Variants in ARHGAP21 observed in about 807,000 individuals in gnomAD.
ARHGAP21 encodes rho GTPase-activating protein 21.
ARHGAP21 carries 38 observed loss-of-function variants against 164.6 expected under a neutral mutation model. That is an observed-to-expected ratio of 0.23 (90% CI 0.18 to 0.30). The LOEUF is 0.30. ARHGAP21 is among the 10% of genes least tolerant of loss of function. The pLI, the probability that ARHGAP21 is intolerant of heterozygous loss-of-function variation, is 1.00. For synonymous variants in ARHGAP21, 766 were observed against 857.9 expected, an observed-to-expected ratio of 0.89 and a Z score of 1.87; for missense variants, 1,822 against 2,370.7, an observed-to-expected ratio of 0.77 and a Z score of 4.81.
At position 24,693,810 on chromosome 10, in the gene ARHGAP21, T is replaced by C. The variant is rs1593311177; in HGVS notation, c.64-23413A>G. Among the ~76,000 whole-genome samples the C allele has an allele frequency of 2.0e-5, 3 of 152,210 alleles. No homozygotes were observed. The South Asian group carries it at 6.2e-4, about 32-fold the overall frequency. On this transcript the variant is annotated intron_variant, in intron 2 of 25. Transcript: ENST00000396432. ...GGGTTTTACTACCATAAACCAGGTATATAAAGAAACTGTATTGAGTAGAAA... is the reference window on the plus strand; with the variant it reads ...GGGTTTTACTACCATAAACCAGGTACATAAAGAAACTGTATTGAGTAGAAA...
At chr10:24,586,852 A>T (rs766798122) in intron 25 of ARHGAP21, among the ~76,000 whole-genome samples, 11 of 152,184 alleles carry the variant, frequency 7.2e-5, no homozygotes, top group Non-Finnish European at 1.5e-4. Flanking sequence ...GTTCGAGATC[A>T]GCCTAGGGAA....
rs1334524562 is a variant in ARHGAP21 at position 24,701,182 on chromosome 10, T to TA, written c.63+20654dup. ...GCTTCAGGGAGAAAGCAGTAAAAAT[T>TA]AAAAAAAAAAATGCTCTATGCAGCC... On this transcript the variant is annotated intron_variant, in intron 2 of 25. Transcript: ENST00000396432. Among the ~76,000 whole-genome samples, 527 of 146,536 alleles carry TA rather than the reference T, an allele frequency of 3.6e-3. 5 individuals carry two copies. The highest frequency in any genetic ancestry group is 0.011 in the African/African-American group (431 of 40,148).
chr10:24,591,722 C>A, intron 22 of ARHGAP21, 39 bp from the exon 23 acceptor site: 1 of 1,609,858 alleles, frequency 6.2e-7, no homozygotes, highest in Non-Finnish European at 8.5e-7. Flanking sequence ...ATTAAACAAG[C>A]CTTTAAATAT....
rs780121438 is a variant in ARHGAP21, at chr10:24,584,448, G to T, written c.5841C>A (p.Thr1947=). 6.2e-7 allele frequency: 1 copy of T among 1,613,040 alleles called. No individual in the cohort carries two copies. Among genetic ancestry groups the T allele is most frequent in the South Asian group, 1.1e-5 (1 of 90,928 alleles). ...GATGAAACTCTGCTTTACTGCCTGG[G>T]GTTTCAGACAGTTTATGAGGTTGGG... ...ANAQPHKLSE[T]PGSKAEFHPC... is the part of the protein sequence containing the mutation. The change falls in exon 26 of 26, where the codon ACC becomes ACA. Residue 1947 remains threonine (T), a synonymous_variant. Transcript: ENST00000396432.
intron 2 of ARHGAP21, among the ~76,000 whole-genome samples, chr10:24,682,758 T>C (rs1437625392): frequency 6.6e-6 from 1 of 152,090 alleles, no homozygotes; most frequent in African/African-American, 2.4e-5. Flanking sequence ...TATCTAGACG[T>C]ATCTAGATGT....
At chr10:24,595,686 CA>C in intron 19 of ARHGAP21, 30 bp downstream of exon 19, 2 of 1,579,606 alleles carry the variant, frequency 1.3e-6, no homozygotes, top group Non-Finnish European at 1.7e-6. Context: ...TGAACCATTT[CA>C]TCTGGTATCT....
At chr10:24,608,271 G>A (rs1326462141) in intron 9 of ARHGAP21, among the ~76,000 whole-genome samples, 1 of 152,074 alleles carries the variant, frequency 6.6e-6, no homozygotes, top group Non-Finnish European at 1.5e-5. Context: ...ATGTACCACA[G>A]ATTATCACTT....
intron 2 of ARHGAP21, among the ~76,000 whole-genome samples, chr10:24,675,745 T>C (rs188480546): frequency 6.6e-6 from 1 of 152,284 alleles, no homozygotes; most frequent in Admixed American, 6.5e-5. Flanking sequence ...ATGTATAAGT[T>C]AAAATCTGTG....
rs1469932829 is a variant in ARHGAP21, at chr10:24,656,502, G to A, written c.268+10483C>T. The stretch of plus-strand genomic sequence containing the variant: ...GCCCCTCTGCCCGGCCAGCCGCCCC[G>A]TCCGGGAGGGAGGTTGGGGGGTCAG... On this transcript the variant is annotated intron_variant, in intron 4 of 25. Transcript: ENST00000396432. 2.2e-3 allele frequency among the ~76,000 whole-genome samples: 159 copies of A among 73,062 alleles called. 2 individuals carry two copies. The highest frequency in any genetic ancestry group is 8.5e-3 in the African/African-American group (135 of 15,860). 47.9% of individuals were successfully genotyped at this position (73,062 alleles called of 152,430 possible).
chr10:24,671,358 C>A (rs1187197398), intron 2 of ARHGAP21, among the ~76,000 whole-genome samples: 2 of 152,178 alleles, frequency 1.3e-5, no homozygotes, highest in African/African-American at 4.8e-5. Flanking sequence ...ACATTTCTCT[C>A]TGGTCATTCA....
chr10:24,658,379 C>G (rs1197765272), intron 4 of ARHGAP21, among the ~76,000 whole-genome samples: 1 of 152,128 alleles, frequency 6.6e-6, no homozygotes, highest in South Asian at 2.1e-4. Flanking sequence ...TGCACACACA[C>G]ATATGTTTAT....
intron 2 of ARHGAP21, among the ~76,000 whole-genome samples, chr10:24,716,129 T>C (rs560522626): frequency 1.3e-5 from 2 of 152,372 alleles, no homozygotes; most frequent in Non-Finnish European, 2.9e-5. Flanking sequence ...CAACCTATTA[T>C]GTGCTAGGCA....
At position 24,620,128 on chromosome 10, in the gene ARHGAP21, A is replaced by G. The variant is rs1208173262; in HGVS notation, c.1767T>C (p.Asp589=). The change falls in exon 9 of 26, where the codon GAT becomes GAC. Residue 589 remains aspartate, a synonymous_variant. Coordinates refer to ENST00000396432, the MANE Select transcript of ARHGAP21 (RefSeq NM_020824.4). Reference sequence around the variant, plus strand: ...TTCTGTTTGACTGCAATGTTTTTAGATCTGGTGGAATTTTTTTAAACTGCG... The same window carrying G: ...TTCTGTTTGACTGCAATGTTTTTAGGTCTGGTGGAATTTTTTTAAACTGCG... ...SVSQFKKIPP[D]LKTLQSNRNF... 1 of 1,613,936 alleles carries G rather than the reference A, an allele frequency of 6.2e-7. No individual in the cohort carries two copies. The highest frequency in any genetic ancestry group is 8.5e-7 in the Non-Finnish European group (1 of 1,179,852).
intron 14 of ARHGAP21, among the ~76,000 whole-genome samples, chr10:24,598,372 G>A (rs546426327): frequency 8.8e-4 from 134 of 152,156 alleles, no homozygotes; most frequent in Non-Finnish European, 1.5e-3. Context: ...AGAAATATAC[G>A]TGTAAGTGAT....
chr10:24,658,392 C>A (rs141190898), intron 4 of ARHGAP21, among the ~76,000 whole-genome samples: 1 of 152,108 alleles, frequency 6.6e-6, no homozygotes, highest in Non-Finnish European at 1.5e-5. Flanking sequence ...ATGTTTATTG[C>A]GGCACTATTC....
intron 11 of ARHGAP21, among the ~76,000 whole-genome samples, chr10:24,605,312 G>T (rs570854193): frequency 6.6e-6 from 1 of 152,194 alleles, no homozygotes; most frequent in Non-Finnish European, 1.5e-5. Context: ...GCTGAAGCTG[G>T]TGACAGGAGC....
chr10:24,597,733 C>T, intron 15 of ARHGAP21, 150 bp from the exon 16 acceptor site: 1 of 1,278,658 alleles, frequency 7.8e-7, no homozygotes, highest in Non-Finnish European at 1.1e-6. Flanking sequence ...TAGTCCTGCC[C>T]AGAATAAGAA....
chr10:24,591,863 T>C, intron 22 of ARHGAP21, 24 bp downstream of exon 22: 1 of 1,599,206 alleles, frequency 6.3e-7, no homozygotes, highest in Admixed American at 1.7e-5. Flanking sequence ...AGCATGAACT[T>C]ACAGAGATGA....
chr10:24,610,571 A>T (rs1202893538), intron 9 of ARHGAP21, among the ~76,000 whole-genome samples: 1 of 152,154 alleles, frequency 6.6e-6, no homozygotes, highest in Non-Finnish European at 1.5e-5. Context: ...TCCAAAAGTA[A>T]ATAATCCTCA....
Sources: gnomAD v4.1 joint callset for allele counts (sites outside exome capture counted in the v4.1 genomes callset) on GRCh38, gnomAD v4.1.1 for gene constraint, MANE v1.5 for transcripts, NCBI Gene and HGNC (gene_info 2026-07-23, HGNC 2026-07-21) for gene names.